Variants in ROBO2 observed in about 807,000 individuals in gnomAD.
The protein encoded by ROBO2 is roundabout guidance receptor 2, also known as roundabout homolog 2.
In ROBO2, 53 loss-of-function variants were observed where a neutral mutation model predicts 160.8. The ratio of observed to expected loss-of-function variants is 0.33; its 90% CI spans 0.26 to 0.41. The LOEUF is 0.41. ROBO2 is among the 10% of genes least tolerant of loss of function. The pLI is 1.00. For missense variants in ROBO2, 1,577 were observed against 1,722.4 expected, an observed-to-expected ratio of 0.92 and a Z score of 1.49; for synonymous variants, 664 against 611.7, an observed-to-expected ratio of 1.09 and a Z score of -1.26.
chr3:77,556,257 G>A (rs1434472724), intron 8 of ROBO2, among the ~76,000 whole-genome samples: 2 of 151,784 alleles, frequency 1.3e-5, no homozygotes, highest in Non-Finnish European at 2.9e-5. Context: ...ACTGACAGAT[G>A]TGCCAGAATT....
chr3:77,230,402 T>C lies in ROBO2; in HGVS notation c.388+132062T>C, dbSNP rs1178369065. On this transcript the variant is annotated intron_variant, in intron 2 of 25. Transcript: ENST00000461745. ...CCTGGCTTACATAGCTTTTTTTAAA[T>C]ACAAGAGCAACAACAATAATATAAA... Among the ~76,000 whole-genome samples, 3 of 152,138 alleles carry C rather than the reference T, an allele frequency of 2.0e-5. No homozygotes were observed. The East Asian group carries it at 5.8e-4, about 29-fold the overall frequency.
chr3:76,070,593 A>G lies in ROBO2; in HGVS notation c.109+132991A>G, dbSNP rs574527992. 2.5e-4 allele frequency among the ~76,000 whole-genome samples: 38 copies of G among 152,122 alleles called. 1 individual carries two copies. The highest frequency in any genetic ancestry group is 9.2e-4 in the African/African-American group (38 of 41,518). Reference sequence around the variant, plus strand: ...GCCTCCATTTGCCTTGTGATATTCTATTACCTTGTAAAGTACTTGATGTCT... The same window carrying G: ...GCCTCCATTTGCCTTGTGATATTCTGTTACCTTGTAAAGTACTTGATGTCT... On this transcript the variant is annotated intron_variant, in intron 2 of 26. Transcript: ENST00000487694.
chr3:77,421,125 G>A (rs1449382864), intron 2 of ROBO2, among the ~76,000 whole-genome samples: 1 of 152,038 alleles, frequency 6.6e-6, no homozygotes, highest in Non-Finnish European at 1.5e-5. Context: ...GGCAGTTTGG[G>A]CACGCTCTTT....
chr3:77,536,143 A>G (rs2092081417), intron 6 of ROBO2, among the ~76,000 whole-genome samples: 1 of 152,190 alleles, frequency 6.6e-6, no homozygotes. Flanking sequence ...GAGCAAGTTC[A>G]TAGTCGAACT....
chr3:77,015,290 T>C (rs1378032413), intron 2 of ROBO2, among the ~76,000 whole-genome samples: 1 of 152,222 alleles, frequency 6.6e-6, no homozygotes, highest in Non-Finnish European at 1.5e-5. Flanking sequence ...GCGGTGTCAC[T>C]TCTAAAAAGT....
chr3:76,731,849 G>A (rs944980604), intron 2 of ROBO2, among the ~76,000 whole-genome samples: 12 of 152,168 alleles, frequency 7.9e-5, no homozygotes, highest in African/African-American at 2.4e-4. Context: ...AAGATGGGGT[G>A]ATGTAAATAC....
At chr3:77,307,161 C>G (rs1580916264) in intron 2 of ROBO2, among the ~76,000 whole-genome samples, 1 of 152,084 alleles carries the variant, frequency 6.6e-6, no homozygotes, top group African/African-American at 2.4e-5. Flanking sequence ...CAAGTGCCTC[C>G]TACATGCATC....
intron 2 of ROBO2, among the ~76,000 whole-genome samples, chr3:76,991,359 A>C (rs1371996546): frequency 6.6e-6 from 1 of 152,212 alleles, no homozygotes; most frequent in Non-Finnish European, 1.5e-5. Flanking sequence ...ATTATGAGTA[A>C]TTCACCTAAA....
intron 2 of ROBO2, among the ~76,000 whole-genome samples, chr3:76,118,761 A>T (rs1267268560): frequency 1.3e-5 from 2 of 152,278 alleles, no homozygotes; most frequent in Admixed American, 6.5e-5. Context: ...TAATCTTAGC[A>T]ATTTATGATT....
chr3:76,347,920 G>A lies in ROBO2; in HGVS notation c.109+410318G>A, dbSNP rs569282132. Among the ~76,000 whole-genome samples, 25 of 152,214 alleles carry A rather than the reference G, an allele frequency of 1.6e-4. No homozygotes were observed. The South Asian group carries it at 5.0e-3, about 30-fold the overall frequency. ...TGTTAATGTGATACAATTGAATGAG[G>A]ATGTTGGATTGGACTTTCAACTATT... On this transcript the variant is annotated intron_variant, in intron 2 of 26. Transcript: ENST00000487694.
At chr3:77,493,996 C>T (rs1305448559) in intron 5 of ROBO2, among the ~76,000 whole-genome samples, 1 of 152,110 alleles carries the variant, frequency 6.6e-6, no homozygotes, top group African/African-American at 2.4e-5. Context: ...ACCCCCAAAC[C>T]CAATCTCTCA....
chr3:76,791,451 GTCTC>G (rs869116431), intron 2 of ROBO2, among the ~76,000 whole-genome samples: 9 of 149,944 alleles, frequency 6.0e-5, no homozygotes, highest in East Asian at 2.0e-4. Context: ...CTGCTTTCAT[GTCTC>G]TCTCTCTCTC....
At chr3:76,878,044 C>T (rs1044202892) in intron 2 of ROBO2, among the ~76,000 whole-genome samples, 1 of 152,162 alleles carries the variant, frequency 6.6e-6, no homozygotes, top group Non-Finnish European at 1.5e-5. Flanking sequence ...TCTAAAAGCC[C>T]TATCTCCAAA....
chr3:77,410,546 C>CTCT, intron 2 of ROBO2, among the ~76,000 whole-genome samples: 1 of 130,232 alleles, frequency 7.7e-6, no homozygotes, highest in Non-Finnish European at 1.7e-5. Flanking sequence ...CCTCTTCTTC[C>CTCT]TCCTCTTCTT....
intron 2 of ROBO2, among the ~76,000 whole-genome samples, chr3:76,365,914 A>G (rs1296448650): frequency 5.3e-5 from 8 of 152,010 alleles, no homozygotes; most frequent in Non-Finnish European, 1.2e-4. Context: ...CTTCTGCTCA[A>G]AACATGGTGA....
At chr3:77,220,082 C>G (rs2085581370) in intron 2 of ROBO2, among the ~76,000 whole-genome samples, 1 of 152,048 alleles carries the variant, frequency 6.6e-6, no homozygotes, top group Non-Finnish European at 1.5e-5. Context: ...GCGATCTCAG[C>G]TCACTGCAAC....
intron 9 of ROBO2, among the ~76,000 whole-genome samples, chr3:77,561,219 T>C (rs1339326619): frequency 6.6e-6 from 1 of 152,190 alleles, no homozygotes; most frequent in Non-Finnish European, 1.5e-5. Flanking sequence ...GCTTGAGTCA[T>C]CAACACACTT....
chr3:76,038,619 G>T (rs2067188218), intron 2 of ROBO2, among the ~76,000 whole-genome samples: 1 of 151,862 alleles, frequency 6.6e-6, no homozygotes, highest in Non-Finnish European at 1.5e-5. Context: ...GCTGCATCCG[G>T]CCCACTTTCT....
At chr3:77,563,034 A>G (rs1294672337) in intron 10 of ROBO2, 133 bp from the exon 12 acceptor site, 2 of 801,058 alleles carry the variant, frequency 2.5e-6, no homozygotes, top group African/African-American at 3.5e-5. Flanking sequence ...ACATTCACTT[A>G]CATACTTCTG....
Sources: gnomAD v4.1 joint callset for allele counts (sites outside exome capture counted in the v4.1 genomes callset) on GRCh38, gnomAD v4.1.1 for gene constraint, MANE v1.5 for transcripts, NCBI Gene and HGNC (gene_info 2026-07-23, HGNC 2026-07-21) for gene names.